FNDC3B: variants seen among roughly 807,000 people sequenced by gnomAD.
FNDC3B encodes the protein fibronectin type III domain-containing protein 3B.
A neutral mutation model predicts 151.5 loss-of-function variants in FNDC3B; 12 were observed. That is an observed-to-expected ratio of 0.08 (90% CI 0.05 to 0.13). The LOEUF is 0.13. FNDC3B is among the 10% of genes least tolerant of loss of function. The probability of loss-of-function intolerance (pLI) is 1.00; values close to 1 mark genes in which losing one functional copy is unlikely to be tolerated. For missense variants in FNDC3B, 1,214 were observed against 1,505.3 expected, an observed-to-expected ratio of 0.81 and a Z score of 3.20; for synonymous variants, 528 against 549.0, an observed-to-expected ratio of 0.96 and a Z score of 0.54.
chr3:172,317,009 A>G (rs1228858729), intron 11 of FNDC3B, among the ~76,000 whole-genome samples: 2 of 152,184 alleles, frequency 1.3e-5, no homozygotes, highest in African/African-American at 4.8e-5. Flanking sequence ...GAGAGAGGGA[A>G]GGGAACCAAA....
intron 3 of FNDC3B, among the ~76,000 whole-genome samples, chr3:172,172,785 T>A (rs1723349418): frequency 6.6e-6 from 1 of 151,996 alleles, no homozygotes. Context: ...CTTGTTCTAT[T>A]AAGTCATGGT....
At chr3:172,108,559 A>G (rs1719795240) in intron 1 of FNDC3B, among the ~76,000 whole-genome samples, 1 of 152,224 alleles carries the variant, frequency 6.6e-6, no homozygotes, top group South Asian at 2.1e-4. Flanking sequence ...GTTTTGTCTC[A>G]GTTACTGGTT....
chr3:172,350,491 A>G (rs528577135), intron 21 of FNDC3B, among the ~76,000 whole-genome samples: 2 of 152,206 alleles, frequency 1.3e-5, no homozygotes, highest in Non-Finnish European at 1.5e-5. Context: ...ATCTCGAAAT[A>G]CATACTTATA....
chr3:172,115,871 T>G (rs922396696), intron 2 of FNDC3B, among the ~76,000 whole-genome samples: 2 of 152,178 alleles, frequency 1.3e-5, no homozygotes, highest in Non-Finnish European at 1.5e-5. Flanking sequence ...GCAAAGGACA[T>G]TCTAAACATT....
intron 2 of FNDC3B, among the ~76,000 whole-genome samples, chr3:172,112,890 T>G (rs1720046922): frequency 6.6e-6 from 1 of 152,222 alleles, no homozygotes; most frequent in Non-Finnish European, 1.5e-5. Flanking sequence ...TGCTGTATTG[T>G]GCTTGACTAG....
intron 7 of FNDC3B, 70 bp downstream of exon 7, chr3:172,286,054 T>TC: frequency 3.1e-6 from 3 of 982,632 alleles, no homozygotes; most frequent in Non-Finnish European, 4.7e-6. Context: ...TTTTTTTTTT[T>TC]CCACCACACA....
intron 3 of FNDC3B, among the ~76,000 whole-genome samples, chr3:172,217,136 G>A: frequency 6.6e-6 from 1 of 152,138 alleles, no homozygotes. Context: ...TTGTGTCCTT[G>A]GCATCCTGCA....
intron 25 of FNDC3B, among the ~76,000 whole-genome samples, chr3:172,395,022 T>C (rs900009022): frequency 6.6e-6 from 1 of 152,136 alleles, no homozygotes; most frequent in Admixed American, 6.6e-5. Context: ...AAGAAAGTGT[T>C]TGACAAAATT....
At chr3:172,348,324 A>G (rs1263786565) in intron 21 of FNDC3B, among the ~76,000 whole-genome samples, 1 of 152,248 alleles carries the variant, frequency 6.6e-6, no homozygotes, top group Non-Finnish European at 1.5e-5. Flanking sequence ...TTTCAGATCA[A>G]CTGAAGCATT....
chr3:172,084,066 G>A (rs1483619348), intron 1 of FNDC3B, among the ~76,000 whole-genome samples: 1 of 152,086 alleles, frequency 6.6e-6, no homozygotes, highest in African/African-American at 2.4e-5. Context: ...GTGGCCTTTG[G>A]ATCAGTCAAC....
intron 3 of FNDC3B, among the ~76,000 whole-genome samples, chr3:172,216,415 T>G (rs182016017): frequency 9.9e-5 from 15 of 152,258 alleles, no homozygotes; most frequent in African/African-American, 3.6e-4. Flanking sequence ...ACCTGTAATC[T>G]CTGCCCTTTG....
chr3:172,179,941 G>A (rs1723804550), intron 3 of FNDC3B, among the ~76,000 whole-genome samples: 1 of 151,550 alleles, frequency 6.6e-6, no homozygotes, highest in East Asian at 1.9e-4. Flanking sequence ...TCTCTCTGAT[G>A]AGGGGTGTGG....
chr3:172,296,377 A>G (rs564603459), intron 8 of FNDC3B, among the ~76,000 whole-genome samples: 16 of 152,258 alleles, frequency 1.1e-4, no homozygotes, highest in African/African-American at 3.9e-4. Context: ...TGCTCCACAG[A>G]CAGTCTTCCT....
intron 4 of FNDC3B, among the ~76,000 whole-genome samples, chr3:172,240,490 C>G (rs373347563): frequency 2.6e-5 from 4 of 152,186 alleles, no homozygotes; most frequent in Admixed American, 2.6e-4. Context: ...CTTTTCACAT[C>G]TCTTAATAAC....
chr3:172,087,685 A>G (rs1230726101), intron 1 of FNDC3B, among the ~76,000 whole-genome samples: 1 of 152,166 alleles, frequency 6.6e-6, no homozygotes, highest in East Asian at 1.9e-4. Flanking sequence ...TGCATTTTTA[A>G]AACTTGTATA....
intron 6 of FNDC3B, among the ~76,000 whole-genome samples, chr3:172,274,298 G>C (rs1729338343): frequency 6.6e-6 from 1 of 152,126 alleles, no homozygotes; most frequent in South Asian, 2.1e-4. Context: ...GAACCAAGTA[G>C]TCTAGCAGTC....
Position 172,272,587 on chromosome 3 carries a change from T to A in FNDC3B, c.791-13339T>A, listed in dbSNP as rs985562210. Among the ~76,000 whole-genome samples the A allele has an allele frequency of 3.3e-5, 5 of 152,320 alleles. No homozygotes were observed. The South Asian group carries it at 1.0e-3, about 32-fold the overall frequency. ...TTGCTTTTTACATGTTTTAGGGAAT[T>A]TTTAGATTCACATTTCAGGAGACTA... On this transcript the variant is annotated intron_variant, in intron 6 of 25. Transcript: ENST00000415807.
At chr3:172,389,280 T>A (rs1735883062) in intron 25 of FNDC3B, among the ~76,000 whole-genome samples, 1 of 152,230 alleles carries the variant, frequency 6.6e-6, no homozygotes, top group Non-Finnish European at 1.5e-5. Context: ...AAAGCTCATC[T>A]TTGTTACTTT....
intron 16 of FNDC3B, among the ~76,000 whole-genome samples, chr3:172,340,754 C>G (rs912100708): frequency 2.0e-5 from 3 of 152,146 alleles, no homozygotes; most frequent in Non-Finnish European, 4.4e-5. Flanking sequence ...GCCTGGCTGC[C>G]CCTGAGGCCT....
Sources: gnomAD v4.1 joint callset for allele counts (sites outside exome capture counted in the v4.1 genomes callset) on GRCh38, gnomAD v4.1.1 for gene constraint, MANE v1.5 for transcripts, NCBI Gene and HGNC (gene_info 2026-07-23, HGNC 2026-07-21) for gene names.